The following CSPP1 variants were observed in gnomAD, a reference collection of about 807,000 sequenced individuals.
CSPP1 encodes centrosome and spindle pole-associated protein 1.
CSPP1 carries 126 observed loss-of-function variants against 164.4 expected under a neutral mutation model. The observed-to-expected ratio is 0.77, with a 90% CI of 0.66 to 0.89. CSPP1 has a LOEUF of 0.89. CSPP1 is among the 40% of genes least tolerant of loss of function. The probability of loss-of-function intolerance (pLI) is 0.00; values close to 1 mark genes in which losing one functional copy is unlikely to be tolerated. For synonymous variants in CSPP1, 472 were observed against 476.7 expected (o/e 0.99, Z 0.13); for missense variants, 1,395 against 1,449.8 (o/e 0.96, Z 0.61).
chr8:67,112,838 A>G (rs1817142066), intron 10 of CSPP1, among the ~76,000 whole-genome samples: 1 of 152,234 alleles, frequency 6.6e-6, no homozygotes, highest in South Asian at 2.1e-4. Flanking sequence ...ATGGTAAATC[A>G]CAAGTATTTA....
At chr8:67,072,162 G>A (rs1047742426) in intron 1 of CSPP1, among the ~76,000 whole-genome samples, 1 of 152,108 alleles carries the variant, frequency 6.6e-6, no homozygotes, top group Admixed American at 6.5e-5. Flanking sequence ...GTGTGGTGGC[G>A]GGCGCCTGTA....
At chr8:67,195,037 T>TAAC (rs1837589166) in intron 30 of CSPP1, among the ~76,000 whole-genome samples, 1 of 152,238 alleles carries the variant, frequency 6.6e-6, no homozygotes, top group South Asian at 2.1e-4. Flanking sequence ...TCTCCTGAGG[T>TAAC]AACAGTTACA....
At chr8:67,191,469 C>G (rs1836224880) in intron 29 of CSPP1, among the ~76,000 whole-genome samples, 1 of 152,220 alleles carries the variant, frequency 6.6e-6, no homozygotes, top group South Asian at 2.1e-4. Flanking sequence ...AGGCAACCAC[C>G]AGTCTACTTT....
chr8:67,190,793 T>G (rs1836011599), intron 29 of CSPP1, 34 bp downstream of exon 29: 3 of 1,469,626 alleles, frequency 2.0e-6, no homozygotes, highest in East Asian at 2.3e-5. Context: ...CTTTTCAACT[T>G]AGAAGAATGA....
At chr8:67,168,202 CAGG>C (rs1829828376) in intron 24 of CSPP1, among the ~76,000 whole-genome samples, 2 of 151,828 alleles carry the variant, frequency 1.3e-5, no homozygotes. Context: ...CAGGCTGAGG[CAGG>C]AGAATCAGGC....
Position 67,146,807 on chromosome 8 carries a change from CTCCT to C in CSPP1, c.1976-2975_1976-2972del, listed in dbSNP as rs1408308038. On this transcript the variant is annotated intron_variant, in intron 17 of 30. Transcript: ENST00000678616. The stretch of plus-strand genomic sequence containing the variant: ...TCACTCAGTGAGGAGCACGTAAGTG[CTCCT>C]AATTTTATATTGAATGTTATGATGA... Among the ~76,000 whole-genome samples the C allele has an allele frequency of 1.9e-3, 283 of 152,058 alleles. 2 individuals carry two copies. The highest frequency in any genetic ancestry group is 6.6e-3 in the African/African-American group (272 of 41,356).
intron 21 of CSPP1, among the ~76,000 whole-genome samples, chr8:67,160,824 A>T (rs1354866497): frequency 6.6e-6 from 1 of 151,178 alleles, no homozygotes; most frequent in Non-Finnish European, 1.5e-5. Context: ...TTTTATTTTT[A>T]TTTATTTATT....
intron 1 of CSPP1, among the ~76,000 whole-genome samples, chr8:67,071,200 A>G (rs1806707151): frequency 6.6e-6 from 1 of 152,040 alleles, no homozygotes. Flanking sequence ...ATATTTTACA[A>G]ATTATTATTG....
chr8:67,191,448 C>G (rs1218446602), intron 29 of CSPP1, among the ~76,000 whole-genome samples: 1 of 152,218 alleles, frequency 6.6e-6, no homozygotes, highest in Non-Finnish European at 1.5e-5. Flanking sequence ...AATAGCTTTG[C>G]TTTTTGCCTT....
chr8:67,159,868 CTTTCTTTCTTTCTTTCTT>C (rs1437904434), intron 21 of CSPP1, among the ~76,000 whole-genome samples: 1 of 41,600 alleles, frequency 2.4e-5, no homozygotes, highest in East Asian at 6.2e-4. Flanking sequence ...TTCTTTCTTT[CTTTCTTTCTTTCTTTCTT>C]TCTTTCTTTC....
Position 67,095,394 on chromosome 8 carries a change from T to A in CSPP1, c.585T>A (p.Asp195Glu). Residue 195 changes from aspartate (D) to glutamate (E), a missense_variant, in exon 7 of 31, where the codon GAT (aspartate) becomes GAA (glutamate). Transcript: ENST00000678616. ...AAAATTCAGAGGGTCCTAGAAAAGA[T>A]GTCTTAACTCCTTCAGAGGCATATG... ...SCENSEGPRKDVLTPSEAYEE... is the reference protein window; with the variant it reads ...SCENSEGPRKEVLTPSEAYEE... 3 of 1,612,970 alleles carry A rather than the reference T, an allele frequency of 1.9e-6. No homozygotes were observed. The highest frequency in any genetic ancestry group is 3.3e-4 in the Middle Eastern group (2 of 6,058).
intron 18 of CSPP1, among the ~76,000 whole-genome samples, 193 bp downstream of exon 18, chr8:67,150,128 T>G (rs1318678026): frequency 1.3e-5 from 2 of 152,118 alleles, no homozygotes; most frequent in Non-Finnish European, 2.9e-5. Context: ...AGGGAAAGGT[T>G]ACTTCTTCCT....
intron 15 of CSPP1, among the ~76,000 whole-genome samples, chr8:67,120,063 G>T (rs182186175): frequency 1.3e-5 from 2 of 152,164 alleles, no homozygotes; most frequent in East Asian, 3.9e-4. Flanking sequence ...TTGCATAAGG[G>T]TTTGTCTTAG....
intron 6 of CSPP1, among the ~76,000 whole-genome samples, chr8:67,094,241 G>A (rs1357561620): frequency 6.7e-6 from 1 of 149,890 alleles, no homozygotes; most frequent in East Asian, 1.9e-4. Context: ...ATATCTCCTG[G>A]GATAGGAATT....
intron 15 of CSPP1, among the ~76,000 whole-genome samples, chr8:67,127,587 T>A (rs1820346381): frequency 6.6e-6 from 1 of 152,236 alleles, no homozygotes; most frequent in South Asian, 2.1e-4. Context: ...CCAGAATTAT[T>A]AAAAAGTTGG....
chr8:67,118,357 A>C lies in CSPP1; in HGVS notation c.1606A>C (p.Ser536Arg), dbSNP rs763307442. 1.2e-5 allele frequency: 20 copies of C among 1,613,634 alleles called. No homozygotes were observed. The South Asian group carries it at 2.0e-4, about 16-fold the overall frequency. Residue 536 changes from serine (S) to arginine (R), a missense_variant, in exon 14 of 31, where the codon AGT (serine) becomes CGT (arginine). Ser to Arg is a moderately radical substitution (Grantham distance 110). Transcript: ENST00000678616. Reference protein sequence around the residue: ...FYGSRNTFDPSLAYYGSGMMG... With the variant: ...FYGSRNTFDPRLAYYGSGMMG... Reference sequence around the variant, plus strand: ...TGGGTCCAGGAATACTTTCGATCCCAGTCTTGCTTATTGTAAGTTATCTAT... The same window carrying C: ...TGGGTCCAGGAATACTTTCGATCCCCGTCTTGCTTATTGTAAGTTATCTAT...
At chr8:67,079,123 A>T (rs1808596746) in intron 3 of CSPP1, among the ~76,000 whole-genome samples, 1 of 152,100 alleles carries the variant, frequency 6.6e-6, no homozygotes, top group Non-Finnish European at 1.5e-5. Context: ...ACCTAGGCTG[A>T]CTTCTCATCT....
intron 27 of CSPP1, among the ~76,000 whole-genome samples, chr8:67,178,218 G>A (rs941369992): frequency 1.3e-5 from 2 of 152,158 alleles, no homozygotes; most frequent in Admixed American, 1.3e-4. Flanking sequence ...TCATTACCAT[G>A]AGCAGTAGTG....
intron 9 of CSPP1, among the ~76,000 whole-genome samples, chr8:67,108,794 A>G (rs1054815854): frequency 6.6e-5 from 10 of 152,222 alleles, no homozygotes; most frequent in African/African-American, 2.2e-4. Context: ...GTTTTGCATC[A>G]GATTTTTCAC....
Sources: gnomAD v4.1 joint callset for allele counts (sites outside exome capture counted in the v4.1 genomes callset) on GRCh38, gnomAD v4.1.1 for gene constraint, MANE v1.5 for transcripts, NCBI Gene and HGNC (gene_info 2026-07-23, HGNC 2026-07-21) for gene names.